ZFYVE27: variants seen among roughly 807,000 people sequenced by gnomAD.
The protein encoded by ZFYVE27 is protrudin.
In ZFYVE27, 36 loss-of-function variants were observed where a neutral mutation model predicts 52.8. That is an observed-to-expected ratio of 0.68 (90% confidence interval 0.52 to 0.90). ZFYVE27 has a LOEUF of 0.90. ZFYVE27 is among the 40% of genes least tolerant of loss of function. The probability of loss-of-function intolerance (pLI) is 0.00; values close to 1 mark genes in which losing one functional copy is unlikely to be tolerated. For missense variants in ZFYVE27, 450 were observed against 527.2 expected, an observed-to-expected ratio of 0.85 and a Z score of 1.43; for synonymous variants, 223 against 215.6, an observed-to-expected ratio of 1.03 and a Z score of -0.30.
At chr10:97,758,791 T>C (rs750116497) in intron 12 of ZFYVE27, among the ~76,000 whole-genome samples, 2 of 152,034 alleles carry the variant, frequency 1.3e-5, no homozygotes, top group Non-Finnish European at 2.9e-5. Context: ...TTACTTATTC[T>C]GTTTTTTTGA....
intron 4 of ZFYVE27, among the ~76,000 whole-genome samples, chr10:97,747,176 G>A (rs2045652165): frequency 6.6e-6 from 1 of 152,010 alleles, no homozygotes; most frequent in Admixed American, 6.6e-5. Flanking sequence ...CCTAATTTTT[G>A]GATTGTTTGG....
chr10:97,750,463 C>A lies in ZFYVE27; in HGVS notation c.797C>A (p.Pro266His). 6.2e-7 allele frequency: 1 copy of A among 1,614,092 alleles called. No homozygotes were observed. Among genetic ancestry groups the A allele is most frequent in the Non-Finnish European group, 8.5e-7 (1 of 1,180,044 alleles). ...ATGGACAGCACGCCTGCCCTCACAC[C>A]CACGGAGGTAAGTGCCACTGTCAGG... ...GLMDSTPALT[P>H]TEDLTPGSVE... Residue 266 changes from proline to histidine, a missense_variant, in exon 7 of 13, where the codon CCC becomes CAC. Physicochemically the swap from Pro to His is moderately conservative, Grantham distance 77. Coordinates refer to ENST00000684270, the MANE Select transcript of ZFYVE27 (RefSeq NM_001385875.1).
intron 4 of ZFYVE27, 144 bp from the exon 5 acceptor site, chr10:97,748,125 C>G: frequency 1.3e-6 from 1 of 796,036 alleles, no homozygotes; most frequent in Non-Finnish European, 2.1e-6. Flanking sequence ...TTCTCCCATG[C>G]TCTCTCGACT....
chr10:97,738,655 G>A lies in ZFYVE27; in HGVS notation c.178G>A (p.Gly60Ser), dbSNP rs531744810. The A allele has an allele frequency of 5.6e-6, 9 of 1,614,214 alleles. No homozygotes were observed. Among genetic ancestry groups the A allele is most frequent in the South Asian group, 2.2e-5 (2 of 91,078 alleles). ...GGAACCCTTGAAGGATGCAGGTGAT[G>A]GTGTTCGATACTTGCTCAGGTACAG... ...YLEPLKDAGD[G>S]VRYLLRWQMP... Residue 60 changes from glycine (G) to serine (S), a missense_variant, in exon 2 of 13, where the codon GGT becomes AGT. Coordinates refer to ENST00000684270, the MANE Select transcript of ZFYVE27 (RefSeq NM_001385875.1).
chr10:97,754,875 A>G, intron 10 of ZFYVE27: 1 of 1,259,912 alleles, frequency 7.9e-7, no homozygotes, highest in Non-Finnish European at 1.0e-6. Flanking sequence ...AGCTGTTCCC[A>G]TTTTACAGAT....
At chr10:97,747,752 G>A (rs1293473820) in intron 4 of ZFYVE27, among the ~76,000 whole-genome samples, 1 of 152,034 alleles carries the variant, frequency 6.6e-6, no homozygotes, top group Non-Finnish European at 1.5e-5. Context: ...CCTGGAATCA[G>A]CTTATCTCCA....
intron 4 of ZFYVE27, among the ~76,000 whole-genome samples, chr10:97,747,151 A>G (rs1229141428): frequency 2.0e-5 from 3 of 152,068 alleles, no homozygotes; most frequent in Non-Finnish European, 4.4e-5. Flanking sequence ...CAAGCTTATT[A>G]TTTTGTAGAA....
chr10:97,745,129 G>A (rs1255582024), intron 4 of ZFYVE27, among the ~76,000 whole-genome samples: 1 of 151,992 alleles, frequency 6.6e-6, no homozygotes, highest in East Asian at 1.9e-4. Flanking sequence ...TGGCCAAGCT[G>A]GGATGAGAAT....
intron 2 of ZFYVE27, among the ~76,000 whole-genome samples, chr10:97,741,712 C>T (rs561702011): frequency 6.6e-5 from 10 of 152,098 alleles, no homozygotes; most frequent in Non-Finnish European, 1.3e-4. Context: ...TGTATACCTA[C>T]GTAACAAACC....
intron 10 of ZFYVE27, among the ~76,000 whole-genome samples, chr10:97,755,863 C>T (rs2048223670): frequency 6.6e-6 from 1 of 152,158 alleles, no homozygotes; most frequent in Non-Finnish European, 1.5e-5. Flanking sequence ...TCGGTGGCAT[C>T]GTCACGTGGT....
intron 4 of ZFYVE27, among the ~76,000 whole-genome samples, chr10:97,747,355 T>A (rs1049777147): frequency 6.6e-6 from 1 of 152,186 alleles, no homozygotes; most frequent in Non-Finnish European, 1.5e-5. Flanking sequence ...GGGAGATACT[T>A]TGAGACTATG....
At chr10:97,753,352 C>G (rs2047494586) in intron 10 of ZFYVE27, among the ~76,000 whole-genome samples, 170 bp downstream of exon 10, 1 of 152,086 alleles carries the variant, frequency 6.6e-6, no homozygotes, top group Admixed American at 6.5e-5. Context: ...CTAGCAGATG[C>G]CCGGCAGGAC....
Position 97,759,579 on chromosome 10 carries a change from T to G in ZFYVE27, c.*279T>G, listed in dbSNP as rs956507967. 1.6e-5 allele frequency: 8 copies of G among 514,786 alleles called. No individual in the cohort carries two copies. The East Asian group carries it at 2.8e-4, about 18-fold the overall frequency. The allele number at this position is 514,786 out of a possible 1,614,324, so 31.9% of individuals were successfully genotyped here. ...TCTGCCTGGGACTGAGCGAGTGGAC[T>G]TAGGGCTGGGCAGGCAGTAGCCACC... On this transcript the variant is annotated 3_prime_UTR_variant, in exon 13 of 13. Coordinates refer to ENST00000684270, the MANE Select transcript of ZFYVE27 (RefSeq NM_001385875.1).
At position 97,749,849 on chromosome 10, in the gene ZFYVE27, A is replaced by G. The variant is rs1435974944; in HGVS notation, c.664+263A>G. Among the ~76,000 whole-genome samples, 4 of 152,194 alleles carry G rather than the reference A, an allele frequency of 2.6e-5. No homozygotes were observed. The East Asian group carries it at 7.7e-4, about 29-fold the overall frequency. ...GCAGATGAATCACTGCTTATATGAT[A>G]TGATGGCTTCTGGAAGATGAGGGAA... On this transcript the variant is annotated intron_variant, in intron 6 of 12. Transcript: ENST00000684270.
intron 4 of ZFYVE27, 31 bp downstream of exon 4, chr10:97,744,946 G>A: frequency 1.3e-6 from 2 of 1,545,666 alleles, no homozygotes; most frequent in Non-Finnish European, 1.7e-6. Context: ...AGGGAGGTGG[G>A]GGAACAGTAA....
In ZFYVE27 at chr10:97,747,979, C is replaced by T. The variant is rs55893620; in HGVS notation, c.456-290C>T. Among the ~76,000 whole-genome samples the T allele has an allele frequency of 9.6e-3, 1,462 of 152,266 alleles. 9 individuals carry two copies. The highest frequency in any genetic ancestry group is 0.017 in the South Asian group (84 of 4,828). ...CATTTTATAGATAAAGAAGCCACAG[C>T]CCTGGAGAATTTCAGTAGCCTGCCT... is the stretch of plus-strand genomic sequence containing the variant. On this transcript the variant is annotated intron_variant, in intron 4 of 12. Coordinates refer to ENST00000684270, the MANE Select transcript of ZFYVE27 (RefSeq NM_001385875.1).
chr10:97,747,131 T>C (rs2045641232), intron 4 of ZFYVE27, among the ~76,000 whole-genome samples: 1 of 152,234 alleles, frequency 6.6e-6, no homozygotes, highest in Non-Finnish European at 1.5e-5. Flanking sequence ...CTTGACATTT[T>C]TGAATAGTAC....
intron 4 of ZFYVE27, among the ~76,000 whole-genome samples, chr10:97,747,629 A>G (rs2045818326): frequency 6.6e-6 from 1 of 152,196 alleles, no homozygotes; most frequent in African/African-American, 2.4e-5. Context: ...AGATTTGGCC[A>G]GTAGGAGCTC....
chr10:97,753,006 G>T (rs772461267), intron 9 of ZFYVE27, 32 bp from the exon 10 acceptor site: 5 of 1,613,060 alleles, frequency 3.1e-6, no homozygotes, highest in Non-Finnish European at 2.5e-6. Context: ...CTTGCAAGAG[G>T]TGGGCAGGAC....
Sources: gnomAD v4.1 joint callset for allele counts (sites outside exome capture counted in the v4.1 genomes callset) on GRCh38, gnomAD v4.1.1 for gene constraint, MANE v1.5 for transcripts, NCBI Gene and HGNC (gene_info 2026-07-23, HGNC 2026-07-21) for gene names.